Variants in PIK3R3 observed in about 807,000 individuals in gnomAD.
PIK3R3 encodes the protein phosphatidylinositol 3-kinase regulatory subunit gamma.
In PIK3R3, 64 loss-of-function variants were observed where a neutral mutation model predicts 62.9. The observed-to-expected ratio is 1.02, with a 90% confidence interval of 0.83 to 1.25. The LOEUF (loss-of-function observed/expected upper bound fraction) is 1.25, where lower values mean the gene tolerates loss of function less well. PIK3R3 is among the 50% of genes most tolerant of loss of function. The probability of loss-of-function intolerance (pLI) is 0.00; values close to 1 mark genes in which losing one functional copy is unlikely to be tolerated. For synonymous variants in PIK3R3, 165 were observed against 189.0 expected (o/e 0.87, Z 1.04); for missense variants, 614 against 561.6 (o/e 1.09, Z -0.94).
At chr1:46,109,981 G>C (rs2149452933) in intron 1 of PIK3R3, among the ~76,000 whole-genome samples, 1 of 152,128 alleles carries the variant, frequency 6.6e-6, no homozygotes, top group South Asian at 2.1e-4. Flanking sequence ...TTTCCCACAG[G>C]CACCTTTCAC....
At chr1:46,066,874 C>G in intron 4 of PIK3R3, 37 bp downstream of exon 4, 2 of 1,498,474 alleles carry the variant, frequency 1.3e-6, no homozygotes, top group Non-Finnish European at 1.9e-6. Flanking sequence ...TAAATAATCA[C>G]TTGCTCAATA....
intron 6 of PIK3R3, among the ~76,000 whole-genome samples, chr1:46,059,185 A>G (rs1220554766): frequency 6.6e-6 from 1 of 152,310 alleles, no homozygotes; most frequent in South Asian, 2.1e-4. Flanking sequence ...CCCTTCCACC[A>G]TGATTGTGAG....
chr1:46,128,984 T>C (rs1045332207), intron 1 of PIK3R3, among the ~76,000 whole-genome samples: 1 of 151,268 alleles, frequency 6.6e-6, no homozygotes, highest in Non-Finnish European at 1.5e-5. Flanking sequence ...GGCAGGAGAA[T>C]CACTTGAACT....
intron 1 of PIK3R3, among the ~76,000 whole-genome samples, chr1:46,120,269 G>A (rs970786755): frequency 1.3e-5 from 2 of 152,172 alleles, no homozygotes; most frequent in African/African-American, 4.8e-5. Flanking sequence ...GTGACCCTAT[G>A]AAGTCCAACT....
chr1:46,099,187 T>C (rs1652425205), intron 1 of PIK3R3, among the ~76,000 whole-genome samples: 1 of 152,246 alleles, frequency 6.6e-6, no homozygotes, highest in Admixed American at 6.5e-5. Context: ...CAAAGGTACT[T>C]TCAAAATTCT....
Position 46,132,038 on chromosome 1 carries a change from G to A in PIK3R3, c.-86C>T. The A allele has an allele frequency of 6.5e-7, 1 of 1,534,812 alleles. No homozygotes were observed. The highest frequency in any genetic ancestry group is 1.8e-4 in the Middle Eastern group (1 of 5,684). On this transcript the variant is annotated 5_prime_UTR_variant, in exon 1 of 10. Coordinates refer to ENST00000262741, the MANE Select transcript of PIK3R3 (RefSeq NM_003629.4). ...TTTAAAAATCTAAAAATATATATCT[G>A]CAAAAGTTCCACACGGAAATGTACT...
chr1:46,169,230 C>A, the PIK3R3 span, among the ~76,000 whole-genome samples: 5 of 152,182 alleles, frequency 3.3e-5, no homozygotes, highest in Non-Finnish European at 5.9e-5. Flanking sequence ...TTCTGTTACT[C>A]CCTAGCTGGA....
At chr1:46,047,555 A>G (rs1353866918) in intron 7 of PIK3R3, among the ~76,000 whole-genome samples, 1 of 152,174 alleles carries the variant, frequency 6.6e-6, no homozygotes, top group Non-Finnish European at 1.5e-5. Flanking sequence ...CAGATGGCCA[A>G]TAGTCTAAAA....
chr1:46,083,025 G>A (rs949589235), intron 1 of PIK3R3, among the ~76,000 whole-genome samples: 1 of 152,186 alleles, frequency 6.6e-6, no homozygotes, highest in African/African-American at 2.4e-5. Flanking sequence ...GTTGCAGTGA[G>A]CCGAGATTGC....
chr1:46,070,681 T>C (rs945009961), intron 3 of PIK3R3, among the ~76,000 whole-genome samples: 10 of 152,130 alleles, frequency 6.6e-5, no homozygotes, highest in African/African-American at 2.4e-4. Flanking sequence ...AAGGACTAAG[T>C]GGAGAACTGA....
rs141724223 is a variant in PIK3R3 at position 46,131,942 on chromosome 1, G to T, written c.11C>A (p.Thr4Lys). The T allele has an allele frequency of 1.8e-5, 29 of 1,613,620 alleles. No homozygotes were observed. In the South Asian group the frequency reaches 3.0e-4, roughly 16 times the overall value. The change falls in exon 1 of 10, where the codon ACG becomes AAG. Residue 4 changes from threonine (T) to lysine (K), a missense_variant. By Grantham distance (78) the Thr-to-Lys change is moderately conservative. Coordinates refer to ENST00000262741, the MANE Select transcript of PIK3R3 (RefSeq NM_003629.4). ...GTCATCGCGGTCCATACTCCACACCGTATTGTACATCGCGCTGTCAGGGGC... is the reference window on the plus strand; with the variant it reads ...GTCATCGCGGTCCATACTCCACACCTTATTGTACATCGCGCTGTCAGGGGC... Reference protein sequence around the residue: MYNTVWSMDRDDAD... With the variant: MYNKVWSMDRDDAD...
At chr1:46,151,914 T>A in the PIK3R3 span, among the ~76,000 whole-genome samples, 1 of 152,154 alleles carries the variant, frequency 6.6e-6, no homozygotes, top group Non-Finnish European at 1.5e-5. Context: ...TCCTCCTCCA[T>A]TTTTCATGTT....
At chr1:46,151,151 C>T in the PIK3R3 span, among the ~76,000 whole-genome samples, 2 of 152,074 alleles carry the variant, frequency 1.3e-5, no homozygotes, top group African/African-American at 4.8e-5. Flanking sequence ...TTGATCCCCA[C>T]CAATGTACCT....
rs141774023 is a variant in PIK3R3, at chr1:46,111,708, G to C, written c.106+20139C>G. On this transcript the variant is annotated intron_variant, in intron 1 of 9. Transcript: ENST00000262741. ...CCACTGCACTTCAGCCTGGGTGACA[G>C]AGCCAGACTCTGTCTCAAAAAAAAG... 5.5e-3 allele frequency among the ~76,000 whole-genome samples: 833 copies of C among 151,416 alleles called. 8 individuals are homozygous for C. The highest frequency in any genetic ancestry group is 0.019 in the African/African-American group (767 of 41,330).
chr1:46,075,180 G>A (rs1442731017), intron 3 of PIK3R3, among the ~76,000 whole-genome samples: 1 of 152,172 alleles, frequency 6.6e-6, no homozygotes, highest in Non-Finnish European at 1.5e-5. Flanking sequence ...TTAGCATATC[G>A]CTATATAAAC....
Position 46,042,701 on chromosome 1 carries a change from C to G in PIK3R3, c.*972G>C, listed in dbSNP as rs1228370539. On this transcript the variant is annotated 3_prime_UTR_variant, in exon 10 of 10. Coordinates refer to ENST00000262741, the MANE Select transcript of PIK3R3 (RefSeq NM_003629.4). The surrounding 1 kb of genome is among the most constrained non-coding windows in gnomAD (Gnocchi z 4.3). ...AGCCATCTAAAAGCACTGCATTGCA[C>G]CTTTTCTTTACTCATACAAACAAGT... The G allele has an allele frequency of 4.7e-6, 1 of 213,312 alleles. No homozygotes were observed. The highest frequency in any genetic ancestry group is 9.5e-6 in the Non-Finnish European group (1 of 105,210). The allele number at this position is 213,312 out of a possible 1,614,324, so 13.2% of individuals were successfully genotyped here.
In PIK3R3 at chr1:46,042,047, C is replaced by T; in HGVS notation, c.*1626G>A. The T allele has an allele frequency of 4.5e-6, 1 of 223,030 alleles. No homozygotes were observed. The allele number at this position is 223,030 out of a possible 1,614,324, so 13.8% of individuals were successfully genotyped here. A position where few individuals can be genotyped will look rare whatever the true frequency, so the allele number is the denominator to read the frequency against. On this transcript the variant is annotated 3_prime_UTR_variant, in exon 10 of 10. Transcript: ENST00000262741. The surrounding 1 kb of genome is among the most constrained non-coding windows in gnomAD (Gnocchi z 4.3). ...GCAGGTACTGGCTTCTCTAGCTCAG[C>T]CAGGGTGCCTGACTGCACAGCTTTG...
the PIK3R3 span, among the ~76,000 whole-genome samples, chr1:46,174,700 G>A: frequency 6.6e-6 from 1 of 152,088 alleles, no homozygotes; most frequent in African/African-American, 2.4e-5. Flanking sequence ...AGTGACACAT[G>A]AGCACACACT....
intron 1 of PIK3R3, among the ~76,000 whole-genome samples, chr1:46,108,541 A>G (rs1416938065): frequency 6.6e-6 from 1 of 152,172 alleles, no homozygotes; most frequent in African/African-American, 2.4e-5. Flanking sequence ...GACCTTTTCC[A>G]TCCCAGACAG....
Sources: gnomAD v4.1 joint callset for allele counts (sites outside exome capture counted in the v4.1 genomes callset) on GRCh38, gnomAD v4.1.1 for gene constraint, Gnocchi (gnomAD v3.1) non-coding constraint, MANE v1.5 for transcripts, NCBI Gene and HGNC (gene_info 2026-07-23, HGNC 2026-07-21) for gene names.